The following EVI5L variants were observed in gnomAD, a reference collection of about 807,000 sequenced individuals.
The protein encoded by EVI5L is EVI5-like protein.
Under a neutral mutation model 106.1 loss-of-function variants are expected in EVI5L, and 30 were observed. The observed-to-expected ratio is 0.28, with a 90% CI of 0.21 to 0.38. The LOEUF (loss-of-function observed/expected upper bound fraction) is 0.38. EVI5L is among the 10% of genes least tolerant of loss of function. The pLI, the probability that EVI5L is intolerant of heterozygous loss-of-function variation, is 1.00. For missense variants in EVI5L, 809 were observed against 1,098.0 expected, an observed-to-expected ratio of 0.74 and a Z score of 3.72; for synonymous variants, 489 against 483.3, an observed-to-expected ratio of 1.01 and a Z score of -0.15.
At chr19:7,862,940 G>C (rs1351381907) in intron 17 of EVI5L, 32 bp from the exon 18 acceptor site, 187 of 697,698 alleles carry the variant, frequency 2.7e-4, no homozygotes, top group Non-Finnish European at 4.0e-4. Flanking sequence ...CCCCTGACCC[G>C]CCCTCCTTTC....
intron 1 of EVI5L, among the ~76,000 whole-genome samples, chr19:7,836,732 G>A (rs149462828): frequency 0.011 from 1,613 of 151,830 alleles, 14 homozygotes; most frequent in Non-Finnish European, 0.015. Context: ...TCTGCCTCCT[G>A]GGTTCAGCCT....
At chr19:7,840,088 T>C (rs901946232) in intron 1 of EVI5L, among the ~76,000 whole-genome samples, 2 of 152,096 alleles carry the variant, frequency 1.3e-5, no homozygotes, top group African/African-American at 4.8e-5. Flanking sequence ...GGGACCCAGA[T>C]AGATGCACCC....
Position 7,856,210 on chromosome 19 carries a change from C to A in EVI5L, c.1200+142C>A, listed in dbSNP as rs1333433228. On this transcript the variant is annotated intron_variant, in intron 11 of 19. Transcript: ENST00000538904. The surrounding 1 kb of genome is among the most constrained non-coding windows in gnomAD (Gnocchi z 6.6). ...GCAGCCCTACCTTCCTGCCCCAGGACCCGACCTGAACCCGATTTGGAGTGC... is the reference window on the plus strand; with the variant it reads ...GCAGCCCTACCTTCCTGCCCCAGGAACCGACCTGAACCCGATTTGGAGTGC... 4 of 830,802 alleles carry A rather than the reference C, an allele frequency of 4.8e-6. No homozygotes were observed. In the Admixed American group the frequency reaches 1.3e-4, roughly 26 times the overall value. 51.5% of individuals were successfully genotyped at this position (830,802 alleles called of 1,614,324 possible).
rs1223761006 is a variant in EVI5L, at chr19:7,848,078, A to C, written c.327+157A>C. Among the ~76,000 whole-genome samples, 1 of 152,124 alleles carries C rather than the reference A, an allele frequency of 6.6e-6. No homozygotes were observed. Among genetic ancestry groups the C allele is most frequent in the Non-Finnish European group, 1.5e-5 (1 of 68,026 alleles). The stretch of plus-strand genomic sequence containing the variant: ...CACTTTCAGGGTGTCCTGCCAGAGC[A>C]CAGGGACAGGAGAGAGTGAGTCAGG... On this transcript the variant is annotated intron_variant, in intron 3 of 19. Coordinates refer to ENST00000538904, the MANE Select transcript of EVI5L (RefSeq NM_001159944.3). The surrounding 1 kb of genome is among the most constrained non-coding windows in gnomAD (Gnocchi z 4.8).
rs913244399 is a variant in EVI5L, at chr19:7,856,213, G to A, written c.1200+145G>A. 4 of 768,702 alleles carry A rather than the reference G, an allele frequency of 5.2e-6. 1 individual carries two copies. The highest frequency in any genetic ancestry group is 3.3e-5 in the East Asian group (1 of 30,018). 47.6% of individuals were successfully genotyped at this position (768,702 alleles called of 1,614,324 possible). A position where few individuals can be genotyped will look rare whatever the true frequency, so the allele number is the denominator to read the frequency against. Reference sequence around the variant, plus strand: ...GCCCTACCTTCCTGCCCCAGGACCCGACCTGAACCCGATTTGGAGTGCCCT... The same window carrying A: ...GCCCTACCTTCCTGCCCCAGGACCCAACCTGAACCCGATTTGGAGTGCCCT... On this transcript the variant is annotated intron_variant, in intron 11 of 19. Coordinates refer to ENST00000538904, the MANE Select transcript of EVI5L (RefSeq NM_001159944.3). This position sits in a 1 kb window ranked among gnomAD's most constrained non-coding sequence, Gnocchi z 6.6.
chr19:7,851,399 C>T (rs200027211), intron 6 of EVI5L, 35 bp from the exon 7 acceptor site: 1 of 1,596,326 alleles, frequency 6.3e-7, no homozygotes, highest in South Asian at 1.1e-5. Context: ...AGGGCGTCCC[C>T]CTCACTGTGC....
Position 7,844,862 on chromosome 19 carries a change from A to G in EVI5L, c.-47-1634A>G, listed in dbSNP as rs540736267. ...GAAAGAGGGTTCTGGGTCCCCATAC[A>G]GTGAAAAAAGAATGGCGCACCTCCC... is the stretch of plus-strand genomic sequence containing the variant. On this transcript the variant is annotated intron_variant, in intron 1 of 19. Coordinates refer to ENST00000538904, the MANE Select transcript of EVI5L (RefSeq NM_001159944.3). Among the ~76,000 whole-genome samples the G allele has an allele frequency of 1.5e-4, 23 of 152,278 alleles. No individual in the cohort carries two copies. In the East Asian group the frequency reaches 4.4e-3, roughly 29 times the overall value.
At chr19:7,843,349 G>A (rs1198475751) in intron 1 of EVI5L, among the ~76,000 whole-genome samples, 1 of 131,262 alleles carries the variant, frequency 7.6e-6, no homozygotes, top group Admixed American at 8.0e-5. Context: ...TGTGTGTATA[G>A]GTGTGTGAGT....
intron 1 of EVI5L, among the ~76,000 whole-genome samples, chr19:7,832,433 C>A (rs1180979259): frequency 6.6e-6 from 1 of 152,200 alleles, no homozygotes; most frequent in East Asian, 1.9e-4. Flanking sequence ...GATTGTGGAC[C>A]ATCCAGGAAA....
rs377303897 is a variant in EVI5L, at chr19:7,839,281, C to T, written c.-47-7215C>T. ...TCGCGCCACTGCACTCCAGCCTGGGCGACAGAGCAAGACTCCATCCATCTA... is the reference window on the plus strand; with the variant it reads ...TCGCGCCACTGCACTCCAGCCTGGGTGACAGAGCAAGACTCCATCCATCTA... On this transcript the variant is annotated intron_variant, in intron 1 of 19. Coordinates refer to ENST00000538904, the MANE Select transcript of EVI5L (RefSeq NM_001159944.3). Among the ~76,000 whole-genome samples the T allele has an allele frequency of 2.9e-4, 43 of 149,976 alleles. No homozygotes were observed. The East Asian group carries it at 6.2e-3, about 22-fold the overall frequency.
rs972711723 is a variant in EVI5L at position 7,863,011 on chromosome 19, G to A, written c.1987G>A (p.Asp663Asn). The A allele has an allele frequency of 1.3e-6, 2 of 1,581,974 alleles. No homozygotes were observed. The highest frequency in any genetic ancestry group is 1.7e-6 in the Non-Finnish European group (2 of 1,171,608). Reference protein sequence around the residue: ...EVMAVRLREADSMAAVAEMRQ... With the variant: ...EVMAVRLREANSMAAVAEMRQ... Reference sequence around the variant, plus strand: ...GATGGCTGTGCGACTGCGGGAGGCGGACAGCATGGCTGCGGTGGCCGAGAT... The same window carrying A: ...GATGGCTGTGCGACTGCGGGAGGCGAACAGCATGGCTGCGGTGGCCGAGAT... The change falls in exon 18 of 20, where the codon GAC becomes AAC. Residue 663 changes from aspartate (D) to asparagine (N), a missense_variant. Physicochemically the swap from Asp to Asn is conservative, Grantham distance 23. This residue lies in a region of EVI5L where 452 missense variants were observed against 509.9 expected (regional missense o/e 0.89). Transcript: ENST00000538904. This position sits in a 1 kb window ranked among gnomAD's most constrained non-coding sequence, Gnocchi z 7.7.
intron 1 of EVI5L, 48 bp from the exon 2 acceptor site, chr19:7,846,448 G>A (rs1978952532): frequency 6.8e-7 from 1 of 1,464,784 alleles, no homozygotes; most frequent in South Asian, 1.4e-5. Context: ...CAGGCAGGAT[G>A]GAGTGGGCTC....
chr19:7,849,819 G>C (rs1979147360), intron 5 of EVI5L, among the ~76,000 whole-genome samples, 178 bp from the exon 6 acceptor site: 1 of 152,166 alleles, frequency 6.6e-6, no homozygotes, highest in South Asian at 2.1e-4. Context: ...CTCAGCCTCA[G>C]GTCTTCCATC....
chr19:7,836,755 G>A (rs907366888), intron 1 of EVI5L, among the ~76,000 whole-genome samples: 1 of 151,512 alleles, frequency 6.6e-6, no homozygotes, highest in Non-Finnish European at 1.5e-5. Flanking sequence ...GGAGTAGCTG[G>A]GATTATAGCC....
intron 1 of EVI5L, among the ~76,000 whole-genome samples, chr19:7,830,969 G>A (rs1269853598): frequency 1.3e-5 from 2 of 149,214 alleles, no homozygotes; most frequent in African/African-American, 2.5e-5. Context: ...CTGTAAGTCG[G>A]ATTTCCTACC....
chr19:7,863,623 C>G lies in EVI5L; in HGVS notation c.2339C>G (p.Pro780Arg), dbSNP rs552366697. Residue 780 changes from proline (P) to arginine (R), a missense_variant, in exon 20 of 20, where the codon CCG becomes CGG. Physicochemically the swap from Pro to Arg is moderately radical, Grantham distance 103 (BLOSUM62 -2). This residue lies in a region of EVI5L where 452 missense variants were observed against 509.9 expected (regional missense o/e 0.89). Transcript: ENST00000538904. This position sits in a 1 kb window ranked among gnomAD's most constrained non-coding sequence, Gnocchi z 7.7. Reference protein sequence around the residue: ...DARFFRRLERPAKDSEGSSDS... With the variant: ...DARFFRRLERRAKDSEGSSDS... ...CGCTTCTTCCGCCGTCTGGAGCGGC[C>G]GGCCAAGGACAGCGAGGGCAGCTCA... The G allele has an allele frequency of 2.8e-5, 44 of 1,556,244 alleles. No homozygotes were observed. The highest frequency in any genetic ancestry group is 3.8e-5 in the Non-Finnish European group (44 of 1,151,242).
intron 1 of EVI5L, among the ~76,000 whole-genome samples, chr19:7,841,185 G>T (rs1366671225): frequency 1.3e-5 from 2 of 152,058 alleles, no homozygotes; most frequent in African/African-American, 2.4e-5. Flanking sequence ...GTGGGCTGGG[G>T]GCTGATGGAG....
intron 8 of EVI5L, among the ~76,000 whole-genome samples, 183 bp downstream of exon 8, chr19:7,851,953 C>T (rs953312882): frequency 1.3e-5 from 2 of 152,118 alleles, no homozygotes; most frequent in Non-Finnish European, 2.9e-5. Context: ...AGAGGACCCC[C>T]TAGGCTCTGC....
chr19:7,863,726 T>C lies in EVI5L; in HGVS notation c.*24T>C. On this transcript the variant is annotated 3_prime_UTR_variant, in exon 20 of 20. Coordinates refer to ENST00000538904, the MANE Select transcript of EVI5L (RefSeq NM_001159944.3). The surrounding 1 kb of genome is among the most constrained non-coding windows in gnomAD (Gnocchi z 7.7). ...GAGGCCATGCCCAGCGCGCCCGGAG[T>C]CAGGAGGCCGCAGCCGCGGGGGGCG... The C allele has an allele frequency of 7.0e-7, 1 of 1,436,398 alleles. No individual in the cohort carries two copies. The highest frequency in any genetic ancestry group is 1.5e-5 in the South Asian group (1 of 68,926). The allele number at this position is 1,436,398 out of a possible 1,614,324, so 89.0% of individuals were successfully genotyped here.
Sources: gnomAD v4.1 joint callset for allele counts (sites outside exome capture counted in the v4.1 genomes callset) on GRCh38, gnomAD v4.1.1 for gene constraint, gnomAD v4.1.1 regional missense constraint, Gnocchi (gnomAD v3.1) non-coding constraint, MANE v1.5 for transcripts, NCBI Gene and HGNC (gene_info 2026-07-23, HGNC 2026-07-21) for gene names.